Variants in PDE9A observed in about 807,000 individuals in gnomAD.
PDE9A encodes the protein phosphodiesterase 9A, also known as high affinity cGMP-specific 3',5'-cyclic phosphodiesterase 9A.
A neutral mutation model predicts 87.4 loss-of-function variants in PDE9A; 60 were observed. The observed-to-expected ratio is 0.69, with a 90% CI of 0.56 to 0.85. PDE9A has a LOEUF of 0.85. Ranked by LOEUF, PDE9A falls within the 40% of genes least tolerant of loss-of-function variation. The pLI is 0.00. For synonymous variants in PDE9A, 272 were observed against 279.4 expected (o/e 0.97, Z 0.27); for missense variants, 665 against 779.0 (o/e 0.85, Z 1.74).
At chr21:42,752,037 C>T (rs750659702) in intron 9 of PDE9A, among the ~76,000 whole-genome samples, 24 of 152,050 alleles carry the variant, frequency 1.6e-4, no homozygotes, top group African/African-American at 3.6e-4. Flanking sequence ...GCACCCGGCC[C>T]GGCCCACCTG....
intron 1 of PDE9A, among the ~76,000 whole-genome samples, chr21:42,670,604 C>G (rs1243320255): frequency 6.6e-6 from 1 of 151,424 alleles, no homozygotes; most frequent in Non-Finnish European, 1.5e-5. Context: ...TACACATGCA[C>G]TCACACACTA....
intron 7 of PDE9A, among the ~76,000 whole-genome samples, chr21:42,740,057 A>G (rs1418409961): frequency 6.6e-6 from 1 of 152,218 alleles, no homozygotes; most frequent in Non-Finnish European, 1.5e-5. Flanking sequence ...ATAGATACAT[A>G]GACACACACA....
In PDE9A at chr21:42,762,165, T is replaced by C. The variant is rs2055858686; in HGVS notation, c.1168T>C (p.Phe390Leu). 6.2e-7 allele frequency: 1 copy of C among 1,614,040 alleles called. No homozygotes were observed. Among genetic ancestry groups the C allele is most frequent in the African/African-American group, 1.3e-5 (1 of 74,932 alleles). The change falls in exon 14 of 20, where the codon TTC becomes CTC. Residue 390 changes from phenylalanine (F) to leucine (L), a missense_variant. Coordinates refer to ENST00000291539, the MANE Select transcript of PDE9A (RefSeq NM_002606.3). ...GGAGAACCACCACTGCGCCGTGGCCTTCCAGATCCTCGCCGAGCCTGAGTG... is the reference window on the plus strand; with the variant it reads ...GGAGAACCACCACTGCGCCGTGGCCCTCCAGATCCTCGCCGAGCCTGAGTG... ...PLENHHCAVA[F>L]QILAEPECNI...
rs574577647 is a variant in PDE9A, at chr21:42,663,139, C to T, written c.69+9256C>T. Among the ~76,000 whole-genome samples the T allele has an allele frequency of 1.2e-4, 18 of 151,352 alleles. No individual in the cohort carries two copies. In the East Asian group the frequency reaches 3.5e-3, roughly 29 times the overall value. ...CACACACATGCACACACCACACATGCACATCACACACCTGCATATACATCA... is the reference window on the plus strand; with the variant it reads ...CACACACATGCACACACCACACATGTACATCACACACCTGCATATACATCA... On this transcript the variant is annotated intron_variant, in intron 1 of 19. Transcript: ENST00000291539.
chr21:42,765,549 G>C, intron 15 of PDE9A, 55 bp downstream of exon 15: 1 of 924,746 alleles, frequency 1.1e-6, no homozygotes, highest in Non-Finnish European at 1.8e-6. Flanking sequence ...GGCGAAGCAG[G>C]TCATCCATCC....
At chr21:42,719,916 A>ATT (rs1224710555) in intron 4 of PDE9A, among the ~76,000 whole-genome samples, 1 of 152,218 alleles carries the variant, frequency 6.6e-6, no homozygotes, top group Non-Finnish European at 1.5e-5. Flanking sequence ...ATAATCAATT[A>ATT]GTTTATTGGA....
intron 1 of PDE9A, among the ~76,000 whole-genome samples, chr21:42,662,615 ACACACAC>A (rs369085798): frequency 0.017 from 2,492 of 144,610 alleles, 71 homozygotes; most frequent in African/African-American, 0.056. Context: ...CACACACACC[ACACACAC>A]CACACACCAC....
rs2060065597 is a variant in PDE9A, at chr21:42,695,031, C to T, written c.219-3937C>T. 6.6e-6 allele frequency among the ~76,000 whole-genome samples: 1 copy of T among 152,018 alleles called. No homozygotes were observed. On this transcript the variant is annotated intron_variant, in intron 3 of 19. Coordinates refer to ENST00000291539, the MANE Select transcript of PDE9A (RefSeq NM_002606.3). This position sits in a 1 kb window ranked among gnomAD's most constrained non-coding sequence, Gnocchi z 4.3. Reference sequence around the variant, plus strand: ...GGCCCCTCCTATGGCTGGGGATCCACTGGCAGCTGCCTAACCCTTCCTATG... The same window carrying T: ...GGCCCCTCCTATGGCTGGGGATCCATTGGCAGCTGCCTAACCCTTCCTATG...
intron 1 of PDE9A, among the ~76,000 whole-genome samples, chr21:42,670,140 TAC>T (rs376576559): frequency 0.025 from 3,780 of 149,366 alleles, 156 homozygotes; most frequent in African/African-American, 0.086. Flanking sequence ...CACACATGCT[TAC>T]ACACACATTC....
At chr21:42,769,396 T>TGC (rs2085786552) in intron 17 of PDE9A, among the ~76,000 whole-genome samples, 8 of 102,064 alleles carry the variant, frequency 7.8e-5, no homozygotes, top group Non-Finnish European at 1.1e-4. Flanking sequence ...GGCACACAAA[T>TGC]GCACACACAC....
chr21:42,665,660 G>A lies in PDE9A; in HGVS notation c.69+11777G>A, dbSNP rs138641742. ...TGAATGTCCCCGCTCCTAGGAAGCC[G>A]GATGTGTCGCGTGCAGGTGCCTCTC... On this transcript the variant is annotated intron_variant, in intron 1 of 19. Coordinates refer to ENST00000291539, the MANE Select transcript of PDE9A (RefSeq NM_002606.3). Among the ~76,000 whole-genome samples, 591 of 152,310 alleles carry A rather than the reference G, an allele frequency of 3.9e-3. 2 individuals are homozygous for A. Among genetic ancestry groups the A allele is most frequent in the African/African-American group, 0.014 (564 of 41,566 alleles).
chr21:42,733,405 G>C lies in PDE9A; in HGVS notation c.547G>C (p.Val183Leu). 6.2e-7 allele frequency: 1 copy of C among 1,602,406 alleles called. No homozygotes were observed. The highest frequency in any genetic ancestry group is 8.6e-7 in the Non-Finnish European group (1 of 1,169,184). ...AGCTGAAGTTGCAAATCACTTGGCT[G>C]TCCTAGAGAAACGCGTGGAATGTGA... ...LKAEVANHLA[V>L]LEKRVELEGL... is the part of the protein sequence containing the mutation. The change falls in exon 7 of 20, where the codon GTC becomes CTC. Residue 183 changes from valine to leucine, a missense_variant. By Grantham distance (32) the Val-to-Leu change is conservative. Transcript: ENST00000291539.
Position 42,760,177 on chromosome 21 carries a change from C to A in PDE9A, c.898-151C>A. 1.6e-6 allele frequency: 1 copy of A among 623,336 alleles called. No individual in the cohort carries two copies. Among genetic ancestry groups the A allele is most frequent in the Non-Finnish European group, 2.9e-6 (1 of 339,444 alleles). The allele number at this position is 623,336 out of a possible 1,614,324, so 38.6% of individuals were successfully genotyped here. On this transcript the variant is annotated intron_variant, in intron 11 of 19. Coordinates refer to ENST00000291539, the MANE Select transcript of PDE9A (RefSeq NM_002606.3). The surrounding 1 kb of genome is among the most constrained non-coding windows in gnomAD (Gnocchi z 5.2). Reference sequence around the variant, plus strand: ...GGGTCCCTGTGTCACCTCATTGGTACCTGTGGTAAACCTGGAACACTGTTG... The same window carrying A: ...GGGTCCCTGTGTCACCTCATTGGTAACTGTGGTAAACCTGGAACACTGTTG...
intron 4 of PDE9A, among the ~76,000 whole-genome samples, chr21:42,727,907 G>A (rs1020666504): frequency 1.3e-5 from 2 of 152,064 alleles, no homozygotes; most frequent in African/African-American, 4.8e-5. Context: ...GCACTGGCTA[G>A]GACTCCCAGC....
chr21:42,736,749 C>T (rs1275649132), intron 7 of PDE9A, among the ~76,000 whole-genome samples: 1 of 152,184 alleles, frequency 6.6e-6, no homozygotes, highest in African/African-American at 2.4e-5. Context: ...CCTGGCTGCC[C>T]TCCTCCCCTG....
intron 13 of PDE9A, 127 bp from the exon 14 acceptor site, chr21:42,761,956 T>A: frequency 1.1e-6 from 1 of 918,854 alleles, no homozygotes; most frequent in Non-Finnish European, 1.6e-6. Context: ...CACAGGCAGC[T>A]CCCCCAGCCC....
intron 4 of PDE9A, among the ~76,000 whole-genome samples, chr21:42,726,582 C>T (rs2146648090): frequency 7.9e-6 from 1 of 127,190 alleles, no homozygotes; most frequent in African/African-American, 3.2e-5. Flanking sequence ...CTGAATGCCA[C>T]CACGCCTGGC....
chr21:42,673,092 A>G (rs2058652422), intron 1 of PDE9A, among the ~76,000 whole-genome samples: 1 of 152,208 alleles, frequency 6.6e-6, no homozygotes, highest in Non-Finnish European at 1.5e-5. Flanking sequence ...CTCTATCTGC[A>G]TGACGAATCC....
chr21:42,697,486 AC>A, intron 3 of PDE9A: 1 of 1,594,440 alleles, frequency 6.3e-7, no homozygotes, highest in Non-Finnish European at 8.6e-7. Flanking sequence ...TGGGCGTCCC[AC>A]CAGGTGAATA....
Sources: allele counts gnomAD v4.1 joint callset (sites outside exome capture counted in the v4.1 genomes callset), GRCh38; gene constraint gnomAD v4.1.1; non-coding constraint Gnocchi (gnomAD v3.1); transcripts MANE v1.5; gene names NCBI Gene and HGNC (gene_info 2026-07-23, HGNC 2026-07-21).